TENM1: variants seen among roughly 807,000 people sequenced by gnomAD.
TENM1 encodes the protein teneurin transmembrane protein 1, also known as teneurin-1.
A neutral mutation model predicts 174.8 loss-of-function variants in TENM1; 35 were observed. The observed-to-expected ratio is 0.20, with a 90% CI of 0.15 to 0.27. The LOEUF (loss-of-function observed/expected upper bound fraction) is 0.27, where lower values mean the gene tolerates loss of function less well. TENM1 is among the 10% of genes least tolerant of loss of function. TENM1 has a pLI of 1.00. For missense variants in TENM1, 1,633 were observed against 2,130.1 expected, an observed-to-expected ratio of 0.77 and a Z score of 4.59; for synonymous variants, 781 against 798.7, an observed-to-expected ratio of 0.98 and a Z score of 0.37.
At chrX:124,887,670 G>A (rs2057412454) in intron 3 of TENM1, among the ~76,000 whole-genome samples, 1 of 111,210 alleles carries the variant, frequency 9.0e-6, no homozygotes. Context: ...AGTCACCACA[G>A]AAGTGTCTCA....
intron 18 of TENM1, among the ~76,000 whole-genome samples, chrX:124,512,181 C>T (rs887671419): frequency 1.8e-5 from 2 of 111,176 alleles, no homozygotes; most frequent in Admixed American, 1.9e-4. Context: ...TGACAAAATT[C>T]ACATAATGGA....
At chrX:124,819,164 A>C (rs748367679) in intron 3 of TENM1, among the ~76,000 whole-genome samples, 1 of 112,203 alleles carries the variant, frequency 8.9e-6, no homozygotes, top group East Asian at 2.8e-4. Flanking sequence ...TTGACAGCAA[A>C]ATCAAGAATG....
the TENM1 span, among the ~76,000 whole-genome samples, chrX:125,016,422 GACAA>G: frequency 9.0e-6 from 1 of 110,966 alleles, no homozygotes; most frequent in African/African-American, 3.3e-5. Context: ...GCCAATAATA[GACAA>G]ACAGAGAGCT....
chrX:124,860,859 TA>T (rs1042280396), intron 3 of TENM1, among the ~76,000 whole-genome samples: 2 of 110,956 alleles, frequency 1.8e-5, no homozygotes, highest in Non-Finnish European at 3.8e-5. Flanking sequence ...GAGAACGTGA[TA>T]AAAAAAAATT....
chrX:124,676,365 C>A (rs2052087555), intron 5 of TENM1, among the ~76,000 whole-genome samples: 1 of 82,979 alleles, frequency 1.2e-5, no homozygotes, highest in South Asian at 7.1e-4. Context: ...AGTACCCATC[C>A]TGTTATTTGC....
At position 124,429,323 on chromosome X, in the gene TENM1, G is replaced by A. The variant is rs924208380; in HGVS notation, c.4105-6685C>T. On this transcript the variant is annotated intron_variant, in intron 23 of 31. Coordinates refer to ENST00000422452, the Ensembl canonical transcript of TENM1. ...ATTATCTTTCAGTTCAATGCTTTAT[G>A]AGTTTTGACCACGTGCCAGGCACTA... Among the ~76,000 whole-genome samples, 7 of 111,295 alleles carry A rather than the reference G, an allele frequency of 6.3e-5. No homozygotes were observed. The Admixed American group carries it at 6.7e-4, about 11-fold the overall frequency.
At chrX:124,565,346 T>G (rs373636886) in intron 12 of TENM1, 29 bp downstream of exon 15, 39 of 1,118,552 alleles carry the variant, frequency 3.5e-5, no homozygotes, top group Non-Finnish European at 4.6e-5. Context: ...TAATCCAACT[T>G]ACTTTGGTTA....
At chrX:124,687,378 A>G (rs1028228285) in intron 5 of TENM1, among the ~76,000 whole-genome samples, 2 of 111,873 alleles carry the variant, frequency 1.8e-5, no homozygotes, top group Non-Finnish European at 3.8e-5. Context: ...CTGGCTAGCC[A>G]TATGTGGAAA....
At chrX:124,461,020 T>G (rs929028805) in intron 22 of TENM1, among the ~76,000 whole-genome samples, 1 of 112,379 alleles carries the variant, frequency 8.9e-6, no homozygotes, top group East Asian at 2.8e-4. Context: ...TGTATTCCTA[T>G]AGATCTCTTA....
rs753887081 is a variant in TENM1 at position 124,583,259 on chromosome X, C to T, written c.2078-17699G>A. The stretch of plus-strand genomic sequence containing the variant: ...AGGTGGGTCCCTGACCCCTGACCCC[C>T]GAGCAGCCTAACTGGGAGGCACCCC... On this transcript the variant is annotated intron_variant, in intron 11 of 31. Transcript: ENST00000422452. Among the ~76,000 whole-genome samples the T allele has an allele frequency of 8.1e-5, 9 of 111,689 alleles. No homozygotes were observed. In the South Asian group the frequency reaches 2.3e-3, roughly 29 times the overall value.
chrX:124,461,456 T>C (rs904345106), intron 22 of TENM1, among the ~76,000 whole-genome samples: 2 of 112,009 alleles, frequency 1.8e-5, no homozygotes, highest in Non-Finnish European at 3.8e-5. Flanking sequence ...CTCCCGTGTT[T>C]ATTGCAGCAC....
chrX:124,997,041 C>T, the TENM1 span, among the ~76,000 whole-genome samples: 1 of 111,106 alleles, frequency 9.0e-6, no homozygotes, highest in African/African-American at 3.3e-5. Flanking sequence ...TGGGGAAGGC[C>T]TGGGAGAAGG....
At chrX:125,073,703 G>T in the TENM1 span, among the ~76,000 whole-genome samples, 15,608 of 110,411 alleles carry the variant, frequency 0.14, 918 homozygotes, top group Admixed American at 0.29. Flanking sequence ...ATAGTGTGCA[G>T]GAGGCCCTAA....
At chrX:124,577,896 A>G (rs978579876) in intron 11 of TENM1, among the ~76,000 whole-genome samples, 3 of 109,474 alleles carry the variant, frequency 2.7e-5, no homozygotes, top group Non-Finnish European at 5.7e-5. Context: ...TTTAATCTCG[A>G]CTCATGAATC....
At chrX:124,881,541 A>G (rs1170558047) in intron 3 of TENM1, among the ~76,000 whole-genome samples, 1 of 109,250 alleles carries the variant, frequency 9.2e-6, no homozygotes, top group Non-Finnish European at 1.9e-5. Context: ...GATCTTTATT[A>G]TTGTGTTCTT....
At chrX:124,966,058 A>G (rs888849835), upstream of TENM1, among the ~76,000 whole-genome samples, 1 of 111,868 alleles carries the variant, frequency 8.9e-6, no homozygotes, top group African/African-American at 3.3e-5. Flanking sequence ...TCCCACATGC[A>G]ATCCATCAGT....
In TENM1 at chrX:124,671,754, CT is replaced by C; in HGVS notation, c.1096del (p.Arg366GlyfsTer32). Reference sequence around the variant, plus strand: ...AGTAGTGTCCATGGACTCGGTCCCCCTGTTCCCTTTGCTAACTCCATTTGCA... The same window carrying C: ...AGTAGTGTCCATGGACTCGGTCCCCCGTTCCCTTTGCTAACTCCATTTGCA... On this transcript the variant is annotated frameshift_variant, in exon 6 of 32. Coordinates refer to ENST00000422452, the Ensembl canonical transcript of TENM1. LOFTEE classifies it high-confidence loss of function. 8.3e-7 allele frequency: 1 copy of C among 1,210,872 alleles called. No individual in the cohort carries two copies. The highest frequency in any genetic ancestry group is 1.1e-6 in the Non-Finnish European group (1 of 894,716).
rs1036741890 is a variant in TENM1 at position 124,401,663 on chromosome X, G to C, written c.5391+3368C>G. Among the ~76,000 whole-genome samples the C allele has an allele frequency of 3.6e-5, 4 of 112,006 alleles. No homozygotes were observed. In the Admixed American group the frequency reaches 3.8e-4, roughly 11 times the overall value. On this transcript the variant is annotated intron_variant, in intron 27 of 31. Transcript: ENST00000422452. ...CCATCTCGGAAATAATAACGTCAGT[G>C]GGGGAAGAGAATTTGCTTTGTCAAA... is the stretch of plus-strand genomic sequence containing the variant.
intron 10 of TENM1, among the ~76,000 whole-genome samples, chrX:124,643,904 T>C (rs1406282466): frequency 9.3e-6 from 1 of 107,711 alleles, no homozygotes; most frequent in Non-Finnish European, 1.9e-5. Flanking sequence ...ACTAACACTG[T>C]GTGGGTCTAT....
Sources: gnomAD v4.1 joint callset for allele counts (sites outside exome capture counted in the v4.1 genomes callset) on GRCh38, gnomAD v4.1.1 for gene constraint, MANE v1.5 for transcripts, NCBI Gene and HGNC (gene_info 2026-07-23, HGNC 2026-07-21) for gene names.